Variants in PALM2AKAP2 observed in about 807,000 individuals in gnomAD.
PALM2AKAP2 encodes the protein PALM2 and AKAP2 fusion.
A neutral mutation model predicts 71.5 loss-of-function variants in PALM2AKAP2; 37 were observed. The observed-to-expected ratio is 0.52, with a 90% confidence interval of 0.40 to 0.68. PALM2AKAP2 has a LOEUF of 0.68. PALM2AKAP2 is among the 30% of genes least tolerant of loss of function. The pLI is 0.00. For synonymous variants in PALM2AKAP2, 468 were observed against 478.8 expected, an observed-to-expected ratio of 0.98 and a Z score of 0.29; for missense variants, 1,224 against 1,191.8, an observed-to-expected ratio of 1.03 and a Z score of -0.40.
intron 1 of PALM2AKAP2, among the ~76,000 whole-genome samples, chr9:109,744,592 G>T (rs948269827): frequency 1.3e-5 from 2 of 152,128 alleles, no homozygotes; most frequent in African/African-American, 4.8e-5. Flanking sequence ...GACAGCAATT[G>T]ACTATTTTAA....
intron 1 of PALM2AKAP2, among the ~76,000 whole-genome samples, chr9:109,800,718 T>C (rs1044413443): frequency 2.0e-5 from 3 of 152,226 alleles, no homozygotes; most frequent in Admixed American, 6.5e-5. Flanking sequence ...CAAAATAGAA[T>C]CTTTAAATCT....
At chr9:109,858,257 T>C (rs1028918428) in intron 1 of PALM2AKAP2, among the ~76,000 whole-genome samples, 2 of 152,214 alleles carry the variant, frequency 1.3e-5, no homozygotes, top group African/African-American at 4.8e-5. Flanking sequence ...AGTACCTAAC[T>C]CATTAGGTTG....
chr9:109,811,312 G>T (rs1436808445), intron 1 of PALM2AKAP2, among the ~76,000 whole-genome samples: 4 of 152,078 alleles, frequency 2.6e-5, no homozygotes, highest in Admixed American at 2.0e-4. Context: ...TGGACTGTGG[G>T]TATGATGATG....
chr9:109,813,202 G>A lies in PALM2AKAP2; in HGVS notation c.45+32669G>A, dbSNP rs79285768. ...ACTATCAATGACCTAGATTACCCCAGTTTTCCCACAGGAAGTGAAAGGAAA... is the reference window on the plus strand; with the variant it reads ...ACTATCAATGACCTAGATTACCCCAATTTTCCCACAGGAAGTGAAAGGAAA... On this transcript the variant is annotated intron_variant, in intron 1 of 9. Coordinates refer to the PALM2AKAP2 transcript ENST00000302798. Among the ~76,000 whole-genome samples, 666 of 152,284 alleles carry A rather than the reference G, an allele frequency of 4.4e-3. 4 individuals carry two copies. Among genetic ancestry groups the A allele is most frequent in the African/African-American group, 0.015 (630 of 41,552 alleles).
intron 1 of PALM2AKAP2, among the ~76,000 whole-genome samples, chr9:109,775,146 A>G (rs1465968625): frequency 6.6e-6 from 1 of 152,154 alleles, no homozygotes; most frequent in East Asian, 1.9e-4. Flanking sequence ...TTTGGCTCTA[A>G]TTGATTCCCG....
intron 1 of PALM2AKAP2, among the ~76,000 whole-genome samples, chr9:110,051,527 T>C (rs1833710067): frequency 6.6e-6 from 1 of 152,222 alleles, no homozygotes; most frequent in African/African-American, 2.4e-5. Flanking sequence ...CCCAGATTTC[T>C]GTCACGGTTA....
intron 6 of PALM2AKAP2, among the ~76,000 whole-genome samples, chr9:109,999,996 A>T: frequency 7.0e-6 from 1 of 142,144 alleles, no homozygotes; most frequent in African/African-American, 2.6e-5. Context: ...GGACCATTCC[A>T]TTTTTCTCTA....
chr9:110,088,766 C>G (rs940730310), intron 1 of PALM2AKAP2, among the ~76,000 whole-genome samples: 1 of 123,886 alleles, frequency 8.1e-6, no homozygotes, highest in Non-Finnish European at 1.6e-5. Flanking sequence ...GTCGCCCAGG[C>G]TGGAGTGCAG....
intron 1 of PALM2AKAP2, among the ~76,000 whole-genome samples, chr9:110,061,622 A>T (rs1406670350): frequency 6.8e-6 from 1 of 147,972 alleles, no homozygotes; most frequent in African/African-American, 2.5e-5. Flanking sequence ...ATATATATAA[A>T]ATATATATAT....
chr9:110,135,164 A>AAAAAAAAAAAAAAAAAATAT, intron 1 of PALM2AKAP2, among the ~76,000 whole-genome samples: 1 of 51,744 alleles, frequency 1.9e-5, no homozygotes, highest in Non-Finnish European at 3.8e-5. Context: ...AAAAAAAAAA[A>AAAAAAAAAAAAAAAAAATAT]ATATATAAAT....
At chr9:109,749,546 A>G (rs371914612) in intron 1 of PALM2AKAP2, among the ~76,000 whole-genome samples, 301 of 69,520 alleles carry the variant, frequency 4.3e-3, no homozygotes, top group Non-Finnish European at 6.3e-3. Flanking sequence ...GTGTTTTCAT[A>G]GGTTAGAAAA....
chr9:109,906,175 A>G (rs561187897), intron 3 of PALM2AKAP2, among the ~76,000 whole-genome samples: 6 of 152,254 alleles, frequency 3.9e-5, no homozygotes, highest in African/African-American at 1.4e-4. Flanking sequence ...GGCAACCTCA[A>G]TCTACTTCTG....
intron 1 of PALM2AKAP2, among the ~76,000 whole-genome samples, chr9:109,708,690 T>C (rs1285289752): frequency 2.0e-5 from 3 of 152,228 alleles, no homozygotes; most frequent in African/African-American, 7.2e-5. Flanking sequence ...TTTTTGCACA[T>C]GAGCATTCTT....
intron 6 of PALM2AKAP2, among the ~76,000 whole-genome samples, chr9:109,973,749 T>G (rs1832116896): frequency 6.6e-6 from 1 of 152,242 alleles, no homozygotes. Flanking sequence ...ATTATTATCC[T>G]CATTTTACAG....
chr9:110,068,783 T>C (rs1313985341), intron 1 of PALM2AKAP2, among the ~76,000 whole-genome samples: 1 of 151,668 alleles, frequency 6.6e-6, no homozygotes, highest in African/African-American at 2.4e-5. Context: ...TCCTCCTGCC[T>C]TGGCCTCCCA....
chr9:110,042,300 C>T (rs561039863), intron 7 of PALM2AKAP2, among the ~76,000 whole-genome samples: 1 of 152,234 alleles, frequency 6.6e-6, no homozygotes, highest in South Asian at 2.1e-4. Flanking sequence ...GTGGTGTGTG[C>T]CTATAATCCC....
chr9:109,959,348 T>G (rs1831808842), intron 6 of PALM2AKAP2, among the ~76,000 whole-genome samples: 1 of 152,094 alleles, frequency 6.6e-6, no homozygotes, highest in African/African-American at 2.4e-5. Context: ...AGAGTTGTCT[T>G]AAGTATAAAG....
intron 1 of PALM2AKAP2, among the ~76,000 whole-genome samples, chr9:110,050,625 C>CT (rs374720864): frequency 1.5e-4 from 22 of 150,540 alleles, no homozygotes; most frequent in East Asian, 1.4e-3. Context: ...CTTTTCTTTT[C>CT]TTTTTTTTTC....
intron 6 of PALM2AKAP2, among the ~76,000 whole-genome samples, chr9:109,962,755 G>A (rs1831876617): frequency 6.6e-6 from 1 of 151,546 alleles, no homozygotes; most frequent in African/African-American, 2.4e-5. Context: ...CGATTCTCCT[G>A]CCTCAGCCTC....
Sources: gnomAD v4.1 joint callset for allele counts (sites outside exome capture counted in the v4.1 genomes callset) on GRCh38, gnomAD v4.1.1 for gene constraint, MANE v1.5 for transcripts, NCBI Gene and HGNC (gene_info 2026-07-23, HGNC 2026-07-21) for gene names.